The following CARD14 variants were observed in gnomAD, a reference collection of about 807,000 sequenced individuals.
CARD14 encodes caspase recruitment domain-containing protein 14.
Under a neutral mutation model 111.5 loss-of-function variants are expected in CARD14, and 107 were observed. The observed-to-expected ratio is 0.96, with a 90% CI of 0.82 to 1.13. CARD14 has a LOEUF of 1.13. Ranked by LOEUF, CARD14 falls within the 50% of genes most tolerant of loss-of-function variation. The pLI is 0.00. For missense variants in CARD14, 1,322 were observed against 1,362.3 expected (o/e 0.97, Z 0.47); for synonymous variants, 617 against 579.6 (o/e 1.06, Z -0.93).
intron 2 of CARD14, among the ~76,000 whole-genome samples, chr17:80,174,439 C>T (rs763506146): frequency 2.4e-4 from 36 of 152,112 alleles, no homozygotes; most frequent in Non-Finnish European, 4.7e-4. Flanking sequence ...TCTGGAACTC[C>T]TGACCTCAGG....
rs112948236 is a variant in CARD14 at position 80,182,598 on chromosome 17, G to A, written c.212-55G>A. On this transcript the variant is annotated intron_variant, in intron 5 of 23. Transcript: ENST00000648509. The surrounding 1 kb of genome is among the most constrained non-coding windows in gnomAD (Gnocchi z 4.7). Reference sequence around the variant, plus strand: ...CCCCCGTGGGGAAGCCAGCCAGGGAGCCCAGCCCCCTTGGTAGCTGGGTTC... The same window carrying A: ...CCCCCGTGGGGAAGCCAGCCAGGGAACCCAGCCCCCTTGGTAGCTGGGTTC... The A allele has an allele frequency of 8.1e-4, 1,304 of 1,600,354 alleles. 8 individuals are homozygous for A. The African/African-American group carries it at 0.015, about 19-fold the overall frequency.
In CARD14 at chr17:80,198,170, G is replaced by C; in HGVS notation, c.1658+8G>C. 2 of 1,613,742 alleles carry C rather than the reference G, an allele frequency of 1.2e-6. No homozygotes were observed. The highest frequency in any genetic ancestry group is 1.7e-6 in the Non-Finnish European group (2 of 1,179,888). On this transcript the variant is annotated splice_region_variant and intron_variant, in intron 15 of 23. Coordinates refer to ENST00000648509, the MANE Select transcript of CARD14 (RefSeq NM_001366385.1). The surrounding 1 kb of genome is among the most constrained non-coding windows in gnomAD (Gnocchi z 7.5). ...GCTTGATGTCTCGGAGAGGTAAGCA[G>C]CAGGTGGGAATCCTCCGAGGCTGGC...
At chr17:80,193,421 G>A (rs894048887) in intron 12 of CARD14, among the ~76,000 whole-genome samples, 1 of 152,000 alleles carries the variant, frequency 6.6e-6, no homozygotes, top group African/African-American at 2.4e-5. Flanking sequence ...GGCACACATG[G>A]TCCCTGGGAT....
chr17:80,207,124 G>A (rs376433424), intron 23 of CARD14, 39 bp downstream of exon 23: 24 of 1,447,888 alleles, frequency 1.7e-5, no homozygotes, highest in Middle Eastern at 1.7e-4. Flanking sequence ...GCTTCGAAGC[G>A]GCTCCTGGGC....
intron 7 of CARD14, among the ~76,000 whole-genome samples, chr17:80,186,233 G>T (rs572395122): frequency 6.6e-6 from 1 of 151,636 alleles, no homozygotes; most frequent in East Asian, 1.9e-4. Flanking sequence ...GACCAGGCCA[G>T]CCCACTTTGC....
At chr17:80,196,958 G>A (rs1032758299) in intron 14 of CARD14, 2 of 152,334 alleles carry the variant, frequency 1.3e-5, no homozygotes, top group African/African-American at 4.8e-5. Flanking sequence ...TCCATGTTTG[G>A]GAGGTCAAGG....
Position 80,203,625 on chromosome 17 carries a change from T to G in CARD14, c.2220-197T>G. The G allele has an allele frequency of 9.9e-6, 5 of 504,674 alleles. No homozygotes were observed. Among genetic ancestry groups the G allele is most frequent in the South Asian group, 9.7e-5 (3 of 30,854 alleles). 31.3% of individuals were successfully genotyped at this position (504,674 alleles called of 1,614,324 possible). On this transcript the variant is annotated intron_variant, in intron 18 of 23. Transcript: ENST00000648509. This position sits in a 1 kb window ranked among gnomAD's most constrained non-coding sequence, Gnocchi z 4.6. ...CCAGGGGTGGGCCGAGGCCCTGGAG[T>G]CTTTTGAAAGCTCTGGAGACTGGCA...
In CARD14 at chr17:80,189,124, T is replaced by C. The variant is rs2040436507; in HGVS notation, c.843+580T>C. 6.6e-6 allele frequency among the ~76,000 whole-genome samples: 1 copy of C among 152,124 alleles called. No individual in the cohort carries two copies. The highest frequency in any genetic ancestry group is 1.5e-5 in the Non-Finnish European group (1 of 68,038). On this transcript the variant is annotated intron_variant, in intron 8 of 23. Transcript: ENST00000648509. This position sits in a 1 kb window ranked among gnomAD's most constrained non-coding sequence, Gnocchi z 4.7. ...GGTGGGTTTACTGCAGCGACTGTGT[T>C]CTGGAGTGGACTTGGCCAATTGTAA...
At chr17:80,181,389 C>A in intron 4 of CARD14, 30 bp from the exon 5 acceptor site, 1 of 1,517,312 alleles carries the variant, frequency 6.6e-7, no homozygotes, top group Non-Finnish European at 8.9e-7. Context: ...GCTTACCTGA[C>A]AACTCCACCC....
intron 16 of CARD14, among the ~76,000 whole-genome samples, chr17:80,199,179 T>A (rs1262272493): frequency 2.0e-5 from 3 of 152,100 alleles, no homozygotes. Flanking sequence ...ACAAAACTGC[T>A]GAGAAGATAA....
intron 7 of CARD14, among the ~76,000 whole-genome samples, chr17:80,185,509 T>G (rs2040316082): frequency 6.6e-6 from 1 of 152,242 alleles, no homozygotes; most frequent in Non-Finnish European, 1.5e-5. Context: ...TACTCTCTCG[T>G]GGCCCTTTAT....
In CARD14 at chr17:80,174,576, CT is replaced by C. The variant is rs535195664; in HGVS notation, c.-367+1349del. On this transcript the variant is annotated intron_variant, in intron 2 of 23. Transcript: ENST00000648509. ...AGTGATGCCTTCCTTCCCCTACCCC[CT>C]ACCCCGATTTCTACTGCTTGCATTA... is the stretch of plus-strand genomic sequence containing the variant. 3.3e-3 allele frequency among the ~76,000 whole-genome samples: 507 copies of C among 152,238 alleles called. 2 individuals are homozygous for C. Among genetic ancestry groups the C allele is most frequent in the African/African-American group, 0.012 (487 of 41,556 alleles).
chr17:80,204,080 G>A (rs2041139861), intron 19 of CARD14, 147 bp from the exon 20 acceptor site: 1 of 866,756 alleles, frequency 1.2e-6, no homozygotes, highest in Admixed American at 2.8e-5. Flanking sequence ...TCTTGCACAA[G>A]TGCAGACACA....
At chr17:80,205,771 G>A (rs1363023785) in intron 22 of CARD14, 119 bp downstream of exon 22, 16 of 1,097,330 alleles carry the variant, frequency 1.5e-5, no homozygotes, top group African/African-American at 3.2e-5. Flanking sequence ...CCTTGTCGCC[G>A]ACCTCTGGGT....
Position 80,208,469 on chromosome 17 carries a change from A to G in CARD14, c.*124A>G. The G allele has an allele frequency of 1.1e-6, 1 of 899,148 alleles. No individual in the cohort carries two copies. The highest frequency in any genetic ancestry group is 1.9e-5 in the South Asian group (1 of 52,254). 55.7% of individuals were successfully genotyped at this position (899,148 alleles called of 1,614,324 possible). A position where few individuals can be genotyped will look rare whatever the true frequency, so the allele number is the denominator to read the frequency against. ...TTGGCACATGAGGCCGGCTCTCCCC[A>G]CTGGCTGGGGTCTAACCTTGAACCC... is the stretch of plus-strand genomic sequence containing the variant. On this transcript the variant is annotated 3_prime_UTR_variant, in exon 24 of 24. Transcript: ENST00000648509.
chr17:80,204,103 C>A, intron 19 of CARD14, 124 bp from the exon 20 acceptor site: 1 of 984,260 alleles, frequency 1.0e-6, no homozygotes, highest in Non-Finnish European at 1.5e-6. Context: ...TCAGGCTGTT[C>A]TCAGAGCATC....
intron 2 of CARD14, among the ~76,000 whole-genome samples, chr17:80,176,658 G>T (rs1372371431): frequency 6.6e-6 from 1 of 152,184 alleles, no homozygotes; most frequent in Non-Finnish European, 1.5e-5. Flanking sequence ...TGCAGGGCAG[G>T]GCTGGAGTGG....
chr17:80,192,241 C>T (rs144502997), intron 11 of CARD14: 5 of 362,708 alleles, frequency 1.4e-5, no homozygotes, highest in African/African-American at 8.3e-5. Context: ...ATACATTATT[C>T]GTAAAACTAG....
chr17:80,194,302 A>G (rs1377917682), intron 12 of CARD14, among the ~76,000 whole-genome samples: 2 of 152,158 alleles, frequency 1.3e-5, no homozygotes, highest in Admixed American at 1.3e-4. Flanking sequence ...CCCCACCCCA[A>G]GGACAGTCCC....
Sources: allele counts gnomAD v4.1 joint callset (sites outside exome capture counted in the v4.1 genomes callset), GRCh38; gene constraint gnomAD v4.1.1; non-coding constraint Gnocchi (gnomAD v3.1); transcripts MANE v1.5; gene names NCBI Gene and HGNC (gene_info 2026-07-23, HGNC 2026-07-21).